GID4: variants seen among roughly 807,000 people sequenced by gnomAD.
GID4 encodes the protein GID complex subunit 4 homolog.
In GID4, 7 loss-of-function variants were observed where a neutral mutation model predicts 32.4. The ratio of observed to expected loss-of-function variants is 0.22; its 90% CI spans 0.12 to 0.41. The LOEUF is 0.41. Among genes scored for constraint, GID4 ranks in the 10% least tolerant of loss-of-function variants. GID4 has a pLI of 1.00. For missense variants in GID4, 309 were observed against 400.0 expected (o/e 0.77, Z 1.94); for synonymous variants, 166 against 170.0 (o/e 0.98, Z 0.18).
At chr17:18,063,995 G>A (rs760098221) in intron 5 of GID4, among the ~76,000 whole-genome samples, 20 of 152,258 alleles carry the variant, frequency 1.3e-4, no homozygotes, top group Non-Finnish European at 2.1e-4. Flanking sequence ...CACCCGCCTC[G>A]GCCTCCCAAA....
At position 18,061,335 on chromosome 17, in the gene GID4, G is replaced by A. The variant is rs1325200554; in HGVS notation, c.709-510G>A. On this transcript the variant is annotated intron_variant, in intron 4 of 5. Transcript: ENST00000268719. This position sits in a 1 kb window ranked among gnomAD's most constrained non-coding sequence, Gnocchi z 4.4. ...TACCGTTCTGACTGCTTTTGACAAG[G>A]CGTCAAGCTCTTGGAGGGGGTGTCA... Among the ~76,000 whole-genome samples, 1 of 152,154 alleles carries A rather than the reference G, an allele frequency of 6.6e-6. No homozygotes were observed. Among genetic ancestry groups the A allele is most frequent in the Non-Finnish European group, 1.5e-5 (1 of 68,032 alleles).
At chr17:18,041,964 T>C (rs1433387309) in intron 1 of GID4, among the ~76,000 whole-genome samples, 2 of 152,206 alleles carry the variant, frequency 1.3e-5, no homozygotes, top group Non-Finnish European at 2.9e-5. Flanking sequence ...GTGGTGGTCA[T>C]GCCAATGAAT....
chr17:18,066,319 A>G lies in GID4; in HGVS notation c.*1076A>G, dbSNP rs2045061794. On this transcript the variant is annotated 3_prime_UTR_variant, in exon 6 of 6. Transcript: ENST00000268719. ...GCCTCCTTTTGCTACTCAAAACAGCAATGCTTGGCGGCAGCCTTCCATGAG... is the reference window on the plus strand; with the variant it reads ...GCCTCCTTTTGCTACTCAAAACAGCGATGCTTGGCGGCAGCCTTCCATGAG... 6.6e-6 allele frequency: 1 copy of G among 152,590 alleles called. No individual in the cohort carries two copies. Among genetic ancestry groups the G allele is most frequent in the African/African-American group, 2.4e-5 (1 of 41,454 alleles). The allele number at this position is 152,590 out of a possible 1,614,324, so 9.5% of individuals were successfully genotyped here. A position where few individuals can be genotyped will look rare whatever the true frequency, so the allele number is the denominator to read the frequency against.
In GID4 at chr17:18,053,174, C is replaced by A. The variant is rs191019485; in HGVS notation, c.499-953C>A. Among the ~76,000 whole-genome samples the A allele has an allele frequency of 4.6e-3, 682 of 149,294 alleles. 6 individuals are homozygous for A. The highest frequency in any genetic ancestry group is 0.016 in the African/African-American group (659 of 41,140). On this transcript the variant is annotated intron_variant, in intron 2 of 5. Transcript: ENST00000268719. ...GATTACAGGCATGCGCCACCACGCC[C>A]GGCTAATTTTGTATTTTTAGTAGAG... is the stretch of plus-strand genomic sequence containing the variant.
At chr17:18,062,124 T>A (rs778252598) in intron 5 of GID4, 149 bp downstream of exon 5, 7 of 722,204 alleles carry the variant, frequency 9.7e-6, no homozygotes, top group Non-Finnish European at 1.6e-5. Flanking sequence ...TTCAGTGATC[T>A]CAGTTGCTCA....
At position 18,045,038 on chromosome 17, in the gene GID4, G is replaced by A. The variant is rs999512583; in HGVS notation, c.439-109G>A. 1.7e-5 allele frequency: 13 copies of A among 766,222 alleles called. No individual in the cohort carries two copies. In the African/African-American group the frequency reaches 1.7e-4, roughly 10 times the overall value. 47.5% of individuals were successfully genotyped at this position (766,222 alleles called of 1,614,324 possible). On this transcript the variant is annotated intron_variant, in intron 1 of 5. Transcript: ENST00000268719. ...ACTGGGTGAGCCTTGGACTGCCCTG[G>A]GTGTTCACTGACCACCAGTCTGGCC...
intron 5 of GID4, 50 bp from the exon 6 acceptor site, chr17:18,065,130 C>T (rs1291355184): frequency 7.2e-7 from 1 of 1,381,650 alleles, no homozygotes; most frequent in South Asian, 1.2e-5. Flanking sequence ...GTCCTTTGCT[C>T]AGGGTGCATT....
At chr17:18,063,028 C>T (rs1443885258) in intron 5 of GID4, among the ~76,000 whole-genome samples, 5 of 150,742 alleles carry the variant, frequency 3.3e-5, no homozygotes, top group South Asian at 2.1e-4. Flanking sequence ...GAGCTGAGAT[C>T]GGGCCATTGC....
chr17:18,044,162 A>G (rs993229211), intron 1 of GID4, among the ~76,000 whole-genome samples: 6 of 152,162 alleles, frequency 3.9e-5, no homozygotes, highest in Non-Finnish European at 8.8e-5. Flanking sequence ...TTTCTTCCTC[A>G]TGCGCCTCTT....
intron 1 of GID4, among the ~76,000 whole-genome samples, chr17:18,041,683 G>C (rs1597687730): frequency 6.6e-6 from 1 of 152,170 alleles, no homozygotes; most frequent in Admixed American, 6.6e-5. Context: ...TCTTGGATTT[G>C]TCCCTGTTGT....
At chr17:18,064,583 C>A (rs1184394039) in intron 5 of GID4, among the ~76,000 whole-genome samples, 2 of 152,150 alleles carry the variant, frequency 1.3e-5, no homozygotes, top group Non-Finnish European at 2.9e-5. Flanking sequence ...GCCCCTATTT[C>A]TCCTCCCTCT....
intron 3 of GID4, among the ~76,000 whole-genome samples, chr17:18,056,370 C>G (rs1487998315): frequency 6.6e-6 from 1 of 152,082 alleles, no homozygotes; most frequent in Non-Finnish European, 1.5e-5. Context: ...TTGGGGGAGC[C>G]CAAGTGGTGT....
chr17:18,042,298 G>T (rs1451675761), intron 1 of GID4, among the ~76,000 whole-genome samples: 4 of 152,156 alleles, frequency 2.6e-5, no homozygotes, highest in African/African-American at 9.7e-5. Flanking sequence ...AGGAAACCTT[G>T]TATGTAACCC....
intron 2 of GID4, among the ~76,000 whole-genome samples, chr17:18,049,645 C>CTT (rs879294149): frequency 6.8e-6 from 1 of 146,956 alleles, no homozygotes; most frequent in East Asian, 2.0e-4. Context: ...TTCTTCCCTT[C>CTT]TTTTTTTTTT....
chr17:18,052,856 T>A (rs1358524499), intron 2 of GID4, among the ~76,000 whole-genome samples: 3 of 152,132 alleles, frequency 2.0e-5, no homozygotes, highest in Non-Finnish European at 4.4e-5. Flanking sequence ...TTAGTTCATA[T>A]GTTTTTCCTC....
chr17:18,041,612 T>C (rs531585343), intron 1 of GID4, among the ~76,000 whole-genome samples: 4 of 152,232 alleles, frequency 2.6e-5, no homozygotes, highest in African/African-American at 9.6e-5. Context: ...TTTCGGTTTG[T>C]TTTGCACCTA....
rs539066518 is a variant in GID4 at position 18,060,796 on chromosome 17, C to T, written c.709-1049C>T. 3.3e-5 allele frequency among the ~76,000 whole-genome samples: 5 copies of T among 152,254 alleles called. No homozygotes were observed. In the East Asian group the frequency reaches 5.8e-4, roughly 18 times the overall value. On this transcript the variant is annotated intron_variant, in intron 4 of 5. Coordinates refer to ENST00000268719, the MANE Select transcript of GID4 (RefSeq NM_024052.5). ...TTGCCCAGGCTGGAGTGCAATGGCG[C>T]GATCTCGGTTCTCTGCAACCTCCCC...
intron 4 of GID4, among the ~76,000 whole-genome samples, chr17:18,059,500 C>G (rs1312470566): frequency 6.6e-6 from 1 of 152,166 alleles, no homozygotes; most frequent in Non-Finnish European, 1.5e-5. Flanking sequence ...GGGAATGGAA[C>G]ACGGGTTTTT....
At chr17:18,049,205 G>A (rs2044885049) in intron 2 of GID4, among the ~76,000 whole-genome samples, 2 of 151,098 alleles carry the variant, frequency 1.3e-5, no homozygotes, top group African/African-American at 2.4e-5. Context: ...ACATGGTGGC[G>A]GGCACCTGTA....
Sources: allele counts gnomAD v4.1 joint callset (sites outside exome capture counted in the v4.1 genomes callset), GRCh38; gene constraint gnomAD v4.1.1; non-coding constraint Gnocchi (gnomAD v3.1); transcripts MANE v1.5; gene names NCBI Gene and HGNC (gene_info 2026-07-23, HGNC 2026-07-21).